RBFOX3: variants seen among roughly 807,000 people sequenced by gnomAD.
RBFOX3 encodes the protein RNA binding protein fox-1 homolog 3.
A neutral mutation model predicts 48.7 loss-of-function variants in RBFOX3; 17 were observed. The observed-to-expected ratio is 0.35, with a 90% CI of 0.24 to 0.52. RBFOX3 has a LOEUF of 0.52. RBFOX3 is among the 20% of genes least tolerant of loss of function. RBFOX3 has a pLI of 0.94. For missense variants in RBFOX3, 382 were observed against 497.5 expected, an observed-to-expected ratio of 0.77 and a Z score of 2.21; for synonymous variants, 212 against 209.5, an observed-to-expected ratio of 1.01 and a Z score of -0.10.
At chr17:79,546,858 CG>C (rs1568402336) in intron 1 of RBFOX3, among the ~76,000 whole-genome samples, 1 of 151,550 alleles carries the variant, frequency 6.6e-6, no homozygotes, top group African/African-American at 2.4e-5. Context: ...TTAGTAGAGG[CG>C]GGGTTTCTCC....
At chr17:79,313,732 C>T (rs1175554761) in intron 2 of RBFOX3, among the ~76,000 whole-genome samples, 1 of 152,164 alleles carries the variant, frequency 6.6e-6, no homozygotes, top group African/African-American at 2.4e-5. Flanking sequence ...TGGCTTCAGC[C>T]CCGACCTCCC....
Position 79,115,589 on chromosome 17 carries a change from G to T in RBFOX3, c.127C>A (p.His43Asn). 7.0e-7 allele frequency: 1 copy of T among 1,431,140 alleles called. No individual in the cohort carries two copies. The highest frequency in any genetic ancestry group is 1.8e-4 in the Middle Eastern group (1 of 5,518). The allele number at this position is 1,431,140 out of a possible 1,614,324, so 88.7% of individuals were successfully genotyped here. ...YSGQTPVPTE[H>N]GMTLYTPAQT... ...GCTGGTGTGTACAGGGTCATGCCAT[G>T]CTCTGTGGGGACCGGGGTCTGGCCG... is the stretch of plus-strand genomic sequence containing the variant. Residue 43 changes from histidine to asparagine, a missense_variant, in exon 5 of 15, where the codon CAT becomes AAT. Coordinates refer to ENST00000693108, the MANE Select transcript of RBFOX3 (RefSeq NM_001350451.2).
intron 4 of RBFOX3, among the ~76,000 whole-genome samples, chr17:79,175,524 T>C (rs767682912): frequency 5.9e-5 from 9 of 152,228 alleles, no homozygotes; most frequent in Non-Finnish European, 1.0e-4. Flanking sequence ...GCGGGCGTGC[T>C]GCCCACTGGA....
At chr17:79,562,010 T>C (rs1479750783) in intron 1 of RBFOX3, among the ~76,000 whole-genome samples, 2 of 151,940 alleles carry the variant, frequency 1.3e-5, no homozygotes, top group Admixed American at 1.3e-4. Flanking sequence ...ATCACTCCAT[T>C]CCAAAATGCA....
chr17:79,571,925 G>A (rs949239955), intron 1 of RBFOX3, among the ~76,000 whole-genome samples: 217 of 152,240 alleles, frequency 1.4e-3, no homozygotes, highest in African/African-American at 5.0e-3. Context: ...TCCCCCCAGC[G>A]TCCTATCTCA....
chr17:79,519,301 C>G (rs913611920), intron 1 of RBFOX3, among the ~76,000 whole-genome samples: 13 of 152,240 alleles, frequency 8.5e-5, no homozygotes, highest in South Asian at 2.1e-4. Flanking sequence ...CTGCCATGCT[C>G]TCAAGGAAGC....
chr17:79,343,756 T>C (rs979097237), intron 2 of RBFOX3, among the ~76,000 whole-genome samples: 20 of 152,264 alleles, frequency 1.3e-4, no homozygotes, highest in Middle Eastern at 6.8e-3. Context: ...TCATTCATCT[T>C]CCTTCATCAT....
At chr17:79,452,083 T>C (rs2073623355) in intron 2 of RBFOX3, among the ~76,000 whole-genome samples, 4 of 152,108 alleles carry the variant, frequency 2.6e-5, no homozygotes, top group Admixed American at 2.6e-4. Context: ...TGGGTAGAAT[T>C]CTGAATGGTT....
intron 2 of RBFOX3, among the ~76,000 whole-genome samples, chr17:79,331,778 G>A (rs1394359561): frequency 6.6e-6 from 1 of 152,180 alleles, no homozygotes; most frequent in Non-Finnish European, 1.5e-5. Flanking sequence ...CTGGAAGTGA[G>A]GCCACACAGC....
intron 1 of RBFOX3, among the ~76,000 whole-genome samples, chr17:79,529,491 G>A (rs1029937552): frequency 2.8e-4 from 42 of 152,322 alleles, no homozygotes; most frequent in Admixed American, 1.7e-3. Context: ...GCAAAGAAGC[G>A]GCTAGCTAAA....
At position 79,384,073 on chromosome 17, in the gene RBFOX3, C is replaced by A. The variant is rs142323805; in HGVS notation, c.-174-76249G>T. ...CGGGACTCGTGTGAGTTCTCGCAGCCGCCACATGCCCACAGCAAGGAGAGG... is the reference window on the plus strand; with the variant it reads ...CGGGACTCGTGTGAGTTCTCGCAGCAGCCACATGCCCACAGCAAGGAGAGG... On this transcript the variant is annotated intron_variant, in intron 2 of 14. Transcript: ENST00000693108. 8.4e-4 allele frequency among the ~76,000 whole-genome samples: 128 copies of A among 152,200 alleles called. 1 individual carries two copies. In the East Asian group the frequency reaches 0.012, roughly 14 times the overall value.
chr17:79,639,020 A>T, the RBFOX3 span, among the ~76,000 whole-genome samples: 4 of 152,216 alleles, frequency 2.6e-5, no homozygotes, highest in Non-Finnish European at 5.9e-5. Flanking sequence ...CAGTAATCAA[A>T]AACCACTCAA....
rs533673260 is a variant in RBFOX3 at position 79,249,581 on chromosome 17, G to C, written c.-73-13776C>G. The stretch of plus-strand genomic sequence containing the variant: ...CCATGCTCCCGGAGACTGTTTACCT[G>C]TCCTAATCACCCCAGAGCCAGGTAC... On this transcript the variant is annotated intron_variant, in intron 3 of 14. Coordinates refer to ENST00000693108, the MANE Select transcript of RBFOX3 (RefSeq NM_001350451.2). This position sits in a 1 kb window ranked among gnomAD's most constrained non-coding sequence, Gnocchi z 4.1. Among the ~76,000 whole-genome samples, 112 of 152,152 alleles carry C rather than the reference G, an allele frequency of 7.4e-4. No individual in the cohort carries two copies. Among genetic ancestry groups the C allele is most frequent in the South Asian group, 6.2e-4 (3 of 4,812 alleles).
At chr17:79,341,943 T>C (rs2146688518) in intron 2 of RBFOX3, among the ~76,000 whole-genome samples, 1 of 152,286 alleles carries the variant, frequency 6.6e-6, no homozygotes, top group Admixed American at 6.5e-5. Flanking sequence ...GTGGAATTCA[T>C]TTGGAAAATT....
At chr17:79,371,855 G>A (rs905690839) in intron 2 of RBFOX3, among the ~76,000 whole-genome samples, 3 of 152,188 alleles carry the variant, frequency 2.0e-5, no homozygotes, top group South Asian at 2.1e-4. Context: ...GCTGTGTCAC[G>A]ACACTGAGAT....
At chr17:79,383,263 G>A (rs907282406) in intron 2 of RBFOX3, among the ~76,000 whole-genome samples, 9 of 152,330 alleles carry the variant, frequency 5.9e-5, no homozygotes, top group African/African-American at 1.4e-4. Context: ...CAGGTTGTCC[G>A]GCCTCTCCCC....
chr17:79,403,873 G>C (rs1015008253), intron 2 of RBFOX3, among the ~76,000 whole-genome samples: 3 of 143,958 alleles, frequency 2.1e-5, no homozygotes, highest in Non-Finnish European at 4.5e-5. Flanking sequence ...TCCACCTCCC[G>C]GGTTCACACC....
intron 1 of RBFOX3, among the ~76,000 whole-genome samples, chr17:79,483,208 G>A (rs1200911124): frequency 1.3e-5 from 2 of 151,904 alleles, no homozygotes; most frequent in African/African-American, 4.8e-5. Flanking sequence ...AATAACATAC[G>A]AGGTCTCACA....
chr17:79,496,626 G>A (rs1190907315), intron 1 of RBFOX3, among the ~76,000 whole-genome samples: 1 of 152,114 alleles, frequency 6.6e-6, no homozygotes, highest in East Asian at 1.9e-4. Context: ...TTGAGGACAG[G>A]AGGCAAACAG....
Sources: allele counts gnomAD v4.1 joint callset (sites outside exome capture counted in the v4.1 genomes callset), GRCh38; gene constraint gnomAD v4.1.1; non-coding constraint Gnocchi (gnomAD v3.1); transcripts MANE v1.5; gene names NCBI Gene and HGNC (gene_info 2026-07-23, HGNC 2026-07-21).